The following BNIP3L variants were observed in gnomAD, a reference collection of about 807,000 sequenced individuals.
BNIP3L encodes the protein BCL2/adenovirus E1B 19 kDa protein-interacting protein 3-like.
Under a neutral mutation model 25.5 loss-of-function variants are expected in BNIP3L, and 10 were observed. That is an observed-to-expected ratio of 0.39 (90% confidence interval 0.24 to 0.67). The LOEUF (loss-of-function observed/expected upper bound fraction) is 0.67, where lower values mean the gene tolerates loss of function less well. BNIP3L is among the 30% of genes least tolerant of loss of function. BNIP3L has a pLI of 0.45. For synonymous variants in BNIP3L, 113 were observed against 101.2 expected (o/e 1.12, Z -0.70); for missense variants, 215 against 270.9 (o/e 0.79, Z 1.45).
chr8:26,401,561 T>TAAAAAA (rs1173522728), intron 3 of BNIP3L, among the ~76,000 whole-genome samples: 8 of 48,434 alleles, frequency 1.7e-4, no homozygotes, highest in Admixed American at 2.3e-4. Flanking sequence ...AAACTTAAAT[T>TAAAAAA]AAAAAAAAAA....
chr8:26,389,578 A>G (rs1470353915), intron 1 of BNIP3L, among the ~76,000 whole-genome samples: 1 of 152,216 alleles, frequency 6.6e-6, no homozygotes, highest in Non-Finnish European at 1.5e-5. Context: ...GGTGGTAGCC[A>G]CTGGGGCTGC....
intron 2 of BNIP3L, among the ~76,000 whole-genome samples, chr8:26,392,274 C>A (rs1222281065): frequency 6.6e-6 from 1 of 151,102 alleles, no homozygotes. Flanking sequence ...ACTGGATGAC[C>A]TTCTGGGTGG....
intron 1 of BNIP3L, among the ~76,000 whole-genome samples, chr8:26,387,895 T>C (rs998130226): frequency 1.3e-5 from 2 of 152,170 alleles, no homozygotes; most frequent in African/African-American, 4.8e-5. Context: ...ATTTAGATAA[T>C]GGTTAAAGTA....
In BNIP3L at chr8:26,410,389, A is replaced by C; in HGVS notation, c.637A>C (p.Thr213Pro). The change falls in exon 6 of 6, where the codon ACA becomes CCA. Residue 213 changes from threonine (T) to proline (P), a missense_variant. By Grantham distance (38) the Thr-to-Pro change is conservative. Transcript: ENST00000380629. ...LGIYIGKRLS[T>P]PSASTY is the part of the protein sequence containing the mutation. Reference sequence around the variant, plus strand: ...CATCTATATTGGAAAGCGACTGAGCACACCCTCTGCCAGCACCTACTGAGG... The same window carrying C: ...CATCTATATTGGAAAGCGACTGAGCCCACCCTCTGCCAGCACCTACTGAGG... 4 of 1,614,168 alleles carry C rather than the reference A, an allele frequency of 2.5e-6. No homozygotes were observed. Among genetic ancestry groups the C allele is most frequent in the Non-Finnish European group, 3.4e-6 (4 of 1,180,010 alleles).
At chr8:26,396,168 G>A (rs1339027219) in intron 3 of BNIP3L, among the ~76,000 whole-genome samples, 16 of 139,922 alleles carry the variant, frequency 1.1e-4, no homozygotes, top group Non-Finnish European at 2.2e-4. Flanking sequence ...ACCTCTGGGG[G>A]CAGGGCACAG....
intron 1 of BNIP3L, among the ~76,000 whole-genome samples, chr8:26,386,431 CTTTTTTG>C (rs889827747): frequency 2.6e-5 from 4 of 151,446 alleles, no homozygotes; most frequent in African/African-American, 9.7e-5. Context: ...TTTTCTTGTT[CTTTTTTG>C]TTTTTTGTTT....
rs1286540150 is a variant in BNIP3L, at chr8:26,412,203, A to G, written c.*1791A>G. The G allele has an allele frequency of 6.6e-6, 1 of 152,168 alleles. No homozygotes were observed. Among genetic ancestry groups the G allele is most frequent in the Non-Finnish European group, 1.5e-5 (1 of 68,038 alleles). The allele number at this position is 152,168 out of a possible 1,614,324, so 9.4% of individuals were successfully genotyped here. ...CCTGGTAACACTTGATTTGCCTTCTATAACCTATTTATTTCAAGTGTTCAT... is the reference window on the plus strand; with the variant it reads ...CCTGGTAACACTTGATTTGCCTTCTGTAACCTATTTATTTCAAGTGTTCAT... On this transcript the variant is annotated 3_prime_UTR_variant, in exon 6 of 6. Coordinates refer to ENST00000380629, the MANE Select transcript of BNIP3L (RefSeq NM_004331.3).
chr8:26,399,877 A>C (rs1806330015), intron 3 of BNIP3L, among the ~76,000 whole-genome samples: 2 of 126,910 alleles, frequency 1.6e-5, no homozygotes, highest in South Asian at 5.7e-4. Flanking sequence ...GGACCTCTTC[A>C]AGGAGAACTA....
chr8:26,408,521 C>G, intron 5 of BNIP3L, 145 bp downstream of exon 5: 2 of 950,488 alleles, frequency 2.1e-6, no homozygotes, highest in Non-Finnish European at 3.2e-6. Context: ...AGTGGGTGCA[C>G]AATTGTTCTA....
chr8:26,392,593 G>C (rs1021131563), intron 2 of BNIP3L, among the ~76,000 whole-genome samples: 1 of 151,012 alleles, frequency 6.6e-6, no homozygotes, highest in African/African-American at 2.4e-5. Flanking sequence ...TGTCATCCCT[G>C]ACTTGTCCCT....
intron 1 of BNIP3L, among the ~76,000 whole-genome samples, chr8:26,385,011 C>G (rs767496433): frequency 5.9e-5 from 9 of 152,020 alleles, no homozygotes; most frequent in East Asian, 2.0e-4. Flanking sequence ...AAACTCCTGA[C>G]CTCACGTCAT....
intron 3 of BNIP3L, among the ~76,000 whole-genome samples, chr8:26,405,804 A>G (rs1442586502): frequency 6.6e-6 from 1 of 152,204 alleles, no homozygotes; most frequent in Non-Finnish European, 1.5e-5. Context: ...ACACTTTGGG[A>G]GGCTGAGGCG....
At chr8:26,401,923 C>G (rs961670092) in intron 3 of BNIP3L, among the ~76,000 whole-genome samples, 1 of 152,116 alleles carries the variant, frequency 6.6e-6, no homozygotes, top group Non-Finnish European at 1.5e-5. Flanking sequence ...TGTAAGATCA[C>G]CTAAAAGTGT....
At chr8:26,385,184 G>C (rs1585428690) in intron 1 of BNIP3L, among the ~76,000 whole-genome samples, 1 of 152,232 alleles carries the variant, frequency 6.6e-6, no homozygotes, top group East Asian at 1.9e-4. Flanking sequence ...TTTCTTTTTA[G>C]TATTGTTTCT....
At chr8:26,387,184 G>A (rs1000877234) in intron 1 of BNIP3L, among the ~76,000 whole-genome samples, 5 of 152,034 alleles carry the variant, frequency 3.3e-5, no homozygotes, top group African/African-American at 4.8e-5. Flanking sequence ...TACAACATAC[G>A]GCAATGAGTA....
At position 26,395,145 on chromosome 8, in the gene BNIP3L, C is replaced by G. The variant is rs1350019685; in HGVS notation, c.285-85C>G. On this transcript the variant is annotated intron_variant, in intron 2 of 5. Transcript: ENST00000380629. ...CTTTTTCAAAGCCATACTGCTGTAA[C>G]TTTTAATTTTCTAATTTCTAGTAGA... 3 of 1,434,888 alleles carry G rather than the reference C, an allele frequency of 2.1e-6. No individual in the cohort carries two copies. The African/African-American group carries it at 4.3e-5, about 20-fold the overall frequency. 88.9% of individuals were successfully genotyped at this position (1,434,888 alleles called of 1,614,324 possible).
intron 1 of BNIP3L, among the ~76,000 whole-genome samples, chr8:26,384,068 A>G (rs1805926878): frequency 6.6e-6 from 1 of 152,174 alleles, no homozygotes; most frequent in South Asian, 2.1e-4. Context: ...TAGACAACCC[A>G]GGCCAGGGTC....
At position 26,410,980 on chromosome 8, in the gene BNIP3L, A is replaced by C. The variant is rs1284051935; in HGVS notation, c.*568A>C. 6.6e-6 allele frequency: 1 copy of C among 152,440 alleles called. No homozygotes were observed. Among genetic ancestry groups the C allele is most frequent in the South Asian group, 2.1e-4 (1 of 4,842 alleles). 9.4% of individuals were successfully genotyped at this position (152,440 alleles called of 1,614,324 possible). A position where few individuals can be genotyped will look rare whatever the true frequency, so the allele number is the denominator to read the frequency against. ...AAAAATATCCTGGGCAATAAAAAAA[A>C]TATTTTAAACCAGCTTTGGAGCCAC... On this transcript the variant is annotated 3_prime_UTR_variant, in exon 6 of 6. Coordinates refer to ENST00000380629, the MANE Select transcript of BNIP3L (RefSeq NM_004331.3).
intron 1 of BNIP3L, chr8:26,383,518 A>C: frequency 3.5e-6 from 2 of 575,294 alleles, no homozygotes; most frequent in Non-Finnish European, 4.1e-6. Context: ...GGTCCCCAGC[A>C]GCGGAGCCGG....
Sources: gnomAD v4.1 joint callset for allele counts (sites outside exome capture counted in the v4.1 genomes callset) on GRCh38, gnomAD v4.1.1 for gene constraint, MANE v1.5 for transcripts, NCBI Gene and HGNC (gene_info 2026-07-23, HGNC 2026-07-21) for gene names.